Variants in PON2 observed in about 807,000 individuals in gnomAD.
PON2 encodes the protein serum paraoxonase/arylesterase 2.
A neutral mutation model predicts 36.6 loss-of-function variants in PON2; 27 were observed. That is an observed-to-expected ratio of 0.74 (90% confidence interval 0.54 to 1.02). The LOEUF (loss-of-function observed/expected upper bound fraction) is 1.02, where lower values mean the gene tolerates loss of function less well. PON2 is among the 50% of genes least tolerant of loss of function. The pLI, the probability that PON2 is intolerant of heterozygous loss-of-function variation, is 0.00. For synonymous variants in PON2, 149 were observed against 156.3 expected (o/e 0.95, Z 0.35); for missense variants, 363 against 421.1 (o/e 0.86, Z 1.21).
intron 1 of PON2, 97 bp from the exon 2 acceptor site, chr7:95,424,682 A>G: frequency 1.1e-6 from 1 of 883,840 alleles, no homozygotes; most frequent in South Asian, 1.4e-5. Context: ...ACAGCAATAC[A>G]TAAAACACAG....
At chr7:95,424,469 T>C (rs1344449988) in intron 2 of PON2, 46 bp downstream of exon 2, 22 of 1,505,462 alleles carry the variant, frequency 1.5e-5, no homozygotes, top group South Asian at 1.2e-4. Flanking sequence ...TTAATGTTAA[T>C]GGCCAAAAAA....
Position 95,405,185 on chromosome 7 carries a change from TA to T in PON2, c.*144del. The T allele has an allele frequency of 1.2e-6, 1 of 854,838 alleles. No homozygotes were observed. Among genetic ancestry groups the T allele is most frequent in the Non-Finnish European group, 1.8e-6 (1 of 557,912 alleles). 53.0% of individuals were successfully genotyped at this position (854,838 alleles called of 1,614,324 possible). On this transcript the variant is annotated 3_prime_UTR_variant, in exon 9 of 9. Transcript: ENST00000222572. ...TTTTTGTTAAAAGTGCTCTAAGAACTAAAAGGGCCGTTCCTTACTGGAATAA... is the reference window on the plus strand; with the variant it reads ...TTTTTGTTAAAAGTGCTCTAAGAACTAAAGGGCCGTTCCTTACTGGAATAA...
At chr7:95,424,623 T>C in intron 1 of PON2, 38 bp from the exon 2 acceptor site, 2 of 1,515,040 alleles carry the variant, frequency 1.3e-6, no homozygotes, top group South Asian at 1.1e-5. Flanking sequence ...CAAAAAACTA[T>C]TTGTTTATGT....
At chr7:95,409,509 T>C (rs1809809473) in intron 6 of PON2, 1 of 153,440 alleles carries the variant, frequency 6.5e-6, no homozygotes, top group Admixed American at 6.6e-5. Context: ...GTATAGCCAA[T>C]AAAAATAATA....
intron 6 of PON2, among the ~76,000 whole-genome samples, chr7:95,408,367 A>G (rs1202514936): frequency 6.6e-6 from 1 of 152,248 alleles, no homozygotes; most frequent in Non-Finnish European, 1.5e-5. Context: ...GTCTCACTCA[A>G]AGGGAAAGGA....
chr7:95,419,769 A>G (rs1040987724), intron 2 of PON2, among the ~76,000 whole-genome samples: 2 of 152,164 alleles, frequency 1.3e-5, no homozygotes, highest in Admixed American at 6.6e-5. Context: ...GCAGAGTTCT[A>G]GTCTTAGATG....
chr7:95,410,594 C>T (rs1350435553), intron 5 of PON2, among the ~76,000 whole-genome samples: 1 of 152,148 alleles, frequency 6.6e-6, no homozygotes, highest in Non-Finnish European at 1.5e-5. Context: ...ACCTGCTTCA[C>T]AAAGCTGACA....
intron 2 of PON2, among the ~76,000 whole-genome samples, chr7:95,417,711 A>T (rs1789099628): frequency 6.7e-6 from 1 of 149,286 alleles, no homozygotes; most frequent in Admixed American, 6.7e-5. Context: ...ACACACACAC[A>T]CACACACACA....
At chr7:95,413,366 T>C (rs1788985181) in intron 3 of PON2, among the ~76,000 whole-genome samples, 1 of 152,198 alleles carries the variant, frequency 6.6e-6, no homozygotes, top group Non-Finnish European at 1.5e-5. Context: ...ACTGAATTAC[T>C]AAGAACTCTA....
chr7:95,431,568 C>T (rs1789442891), intron 1 of PON2, among the ~76,000 whole-genome samples: 1 of 151,822 alleles, frequency 6.6e-6, no homozygotes, highest in Non-Finnish European at 1.5e-5. Context: ...TACAGGGATG[C>T]ACCACCACAC....
Position 95,417,716 on chromosome 7 carries a change from C to CACACACACAG in PON2, c.146-1420_146-1419insCTGTGTGTGT, listed in dbSNP as rs1554339545. Among the ~76,000 whole-genome samples, 1,463 of 148,822 alleles carry CACACACACAG rather than the reference C, an allele frequency of 9.8e-3. 17 individuals are homozygous for CACACACACAG. Among genetic ancestry groups the CACACACACAG allele is most frequent in the African/African-American group, 0.028 (1,135 of 40,512 alleles). ...ACACACACACACACACACACACACACACACACACACCGAGAGAGAATTCTA... is the reference window on the plus strand; with the variant it reads ...ACACACACACACACACACACACACACACACACACAGACACACACACCGAGAGAGAATTCTA... On this transcript the variant is annotated intron_variant, in intron 2 of 8. Transcript: ENST00000222572.
chr7:95,419,366 G>C (rs558925756), intron 2 of PON2, among the ~76,000 whole-genome samples: 2 of 152,114 alleles, frequency 1.3e-5, no homozygotes, highest in East Asian at 3.9e-4. Flanking sequence ...GGGGAATTAG[G>C]GGGAGAATTT....
chr7:95,419,316 G>T (rs1272299250), intron 2 of PON2, among the ~76,000 whole-genome samples: 1 of 152,106 alleles, frequency 6.6e-6, no homozygotes, highest in African/African-American at 2.4e-5. Context: ...AGGGAAGTTG[G>T]GGGGGATCTG....
chr7:95,419,547 TCC>T (rs1789145972), intron 2 of PON2, among the ~76,000 whole-genome samples: 1 of 152,168 alleles, frequency 6.6e-6, no homozygotes, highest in Admixed American at 6.6e-5. Context: ...GCATCCATGT[TCC>T]CCTTCTTCCT....
At chr7:95,405,780 C>CATG (rs1809668348) in intron 8 of PON2, among the ~76,000 whole-genome samples, 1 of 152,138 alleles carries the variant, frequency 6.6e-6, no homozygotes, top group Admixed American at 6.5e-5. Flanking sequence ...CACACTACTT[C>CATG]AACATGAACA....
intron 7 of PON2, among the ~76,000 whole-genome samples, chr7:95,406,638 G>T (rs10487133): frequency 0.86 from 131,217 of 152,192 alleles, 56,658 homozygotes; most frequent in South Asian, 0.92. Flanking sequence ...CTACCTTCAT[G>T]TATTATTGAA....
rs1789529360 is a variant in PON2, at chr7:95,434,901, C to G, written c.51G>C (p.Leu17=). ...VGLLGIALAL[L]GERLLALRNR... ...ACCTGAGTGCCAGAAGCCTCTCGCC[C>G]AGGAGCGCCAGCGCGATCCCCAGCA... Residue 17 remains leucine (L), a synonymous_variant, in exon 1 of 9, where the codon CTG becomes CTC. Coordinates refer to ENST00000222572, the MANE Select transcript of PON2 (RefSeq NM_000305.3). 5 of 1,540,030 alleles carry G rather than the reference C, an allele frequency of 3.2e-6. No homozygotes were observed. The highest frequency in any genetic ancestry group is 4.4e-6 in the Non-Finnish European group (5 of 1,145,236).
At chr7:95,415,592 TAGTATAATGTTAGTATTG>T (rs1040817453) in intron 3 of PON2, among the ~76,000 whole-genome samples, 1 of 152,172 alleles carries the variant, frequency 6.6e-6, no homozygotes, top group African/African-American at 2.4e-5. Context: ...GTATTTAAAA[TAGTATAATGTTAGTATTG>T]AGTATCCACA....
At chr7:95,424,378 C>T in intron 2 of PON2, 137 bp downstream of exon 2, 3 of 719,124 alleles carry the variant, frequency 4.2e-6, no homozygotes, top group Admixed American at 4.2e-5. Context: ...AAGAGGTTGA[C>T]CAAAGAGGTT....
Sources: gnomAD v4.1 joint callset for allele counts (sites outside exome capture counted in the v4.1 genomes callset) on GRCh38, gnomAD v4.1.1 for gene constraint, MANE v1.5 for transcripts, NCBI Gene and HGNC (gene_info 2026-07-23, HGNC 2026-07-21) for gene names.